CELF2: variants seen among roughly 807,000 people sequenced by gnomAD.
CELF2 encodes the protein CUG triplet repeat RNA-binding protein 2.
A neutral mutation model predicts 62.6 loss-of-function variants in CELF2; 8 were observed. The ratio of observed to expected loss-of-function variants is 0.13; its 90% CI spans 0.07 to 0.23. CELF2 has a LOEUF of 0.23. Ranked by LOEUF, CELF2 falls within the 10% of genes least tolerant of loss-of-function variation. The pLI, the probability that CELF2 is intolerant of heterozygous loss-of-function variation, is 1.00. For missense variants in CELF2, 333 were observed against 671.0 expected (o/e 0.50, Z 5.56); for synonymous variants, 258 against 250.0 (o/e 1.03, Z -0.30).
At chr10:11,114,054 A>G (rs2143345466) in intron 1 of CELF2, among the ~76,000 whole-genome samples, 1 of 152,296 alleles carries the variant, frequency 6.6e-6, no homozygotes, top group East Asian at 1.9e-4. Flanking sequence ...AACAAATCCA[A>G]TTCTGGGAAA....
At chr10:10,517,243 G>A in the CELF2 span, among the ~76,000 whole-genome samples, 77 of 152,040 alleles carry the variant, frequency 5.1e-4, no homozygotes, top group Non-Finnish European at 8.7e-4. Context: ...CAACTTCAAC[G>A]GGAGGCTTCC....
chr10:10,991,881 A>G (rs1402738758), intron 2 of CELF2, among the ~76,000 whole-genome samples: 1 of 152,156 alleles, frequency 6.6e-6, no homozygotes, highest in Non-Finnish European at 1.5e-5. Context: ...ACACTCATCT[A>G]TCAGTTTCTC....
chr10:11,168,158 T>C (rs895169904), intron 2 of CELF2, among the ~76,000 whole-genome samples: 9 of 152,164 alleles, frequency 5.9e-5, no homozygotes, highest in African/African-American at 2.2e-4. Flanking sequence ...TACTCAGGTG[T>C]TTAGATTGTA....
intron 1 of CELF2, among the ~76,000 whole-genome samples, chr10:10,895,121 C>T (rs1187213405): frequency 4.8e-4 from 73 of 152,224 alleles, no homozygotes; most frequent in South Asian, 4.2e-4. Flanking sequence ...TGGCTGAAGT[C>T]GCACAGCTGA....
the CELF2 span, among the ~76,000 whole-genome samples, chr10:10,693,453 A>T: frequency 6.6e-6 from 1 of 151,444 alleles, no homozygotes; most frequent in Admixed American, 6.6e-5. Context: ...TTCATCAAGG[A>T]TATTGGTCTA....
chr10:10,979,408 C>T (rs1010762119), intron 2 of CELF2, among the ~76,000 whole-genome samples: 4 of 152,150 alleles, frequency 2.6e-5, no homozygotes, highest in Admixed American at 6.5e-5. Flanking sequence ...CTGTGCCTCA[C>T]GCCTGTAATC....
At chr10:11,196,997 G>GGAAAAAGAAAGAAAGAAA (rs2057741061) in intron 2 of CELF2, among the ~76,000 whole-genome samples, 1 of 55,898 alleles carries the variant, frequency 1.8e-5, no homozygotes, top group African/African-American at 6.9e-5. Context: ...AAGAAAGGAA[G>GGAAAAAGAAAGAAAGAAA]GAAGGAGAAA....
the CELF2 span, among the ~76,000 whole-genome samples, chr10:10,628,849 A>T: frequency 2.0e-5 from 3 of 152,242 alleles, no homozygotes; most frequent in Non-Finnish European, 4.4e-5. Flanking sequence ...TTAAAAAAAT[A>T]AAAATAAATT....
At chr10:10,486,470 T>C in the CELF2 span, among the ~76,000 whole-genome samples, 5 of 152,328 alleles carry the variant, frequency 3.3e-5, no homozygotes, top group South Asian at 2.1e-4. Context: ...TTTTACACCA[T>C]TGCATGCTAT....
chr10:10,607,047 C>T, the CELF2 span, among the ~76,000 whole-genome samples: 1 of 152,134 alleles, frequency 6.6e-6, no homozygotes, highest in Non-Finnish European at 1.5e-5. Flanking sequence ...TAAACATCAT[C>T]GTGGTGTTAT....
At chr10:11,256,646 T>G (rs1589968812) in intron 4 of CELF2, among the ~76,000 whole-genome samples, 1 of 119,382 alleles carries the variant, frequency 8.4e-6, no homozygotes, top group Admixed American at 9.0e-5. Flanking sequence ...CTTCTCCCCG[T>G]GGGTGTCTGT....
intron 1 of CELF2, among the ~76,000 whole-genome samples, chr10:11,062,873 GAGTC>G (rs766329598): frequency 1.3e-5 from 2 of 152,096 alleles, no homozygotes; most frequent in Non-Finnish European, 2.9e-5. Context: ...AATTTTCCCT[GAGTC>G]AGTCAAAGCA....
At chr10:10,816,845 C>T (rs933087166) in intron 1 of CELF2, among the ~76,000 whole-genome samples, 1 of 152,182 alleles carries the variant, frequency 6.6e-6, no homozygotes, top group African/African-American at 2.4e-5. Context: ...CAGCTTGTAG[C>T]CATAGGCTGT....
At chr10:10,587,703 G>A in the CELF2 span, among the ~76,000 whole-genome samples, 21 of 152,112 alleles carry the variant, frequency 1.4e-4, no homozygotes, top group East Asian at 3.3e-3. Context: ...AACTATCCAC[G>A]TTAGCCCTAG....
the CELF2 span, among the ~76,000 whole-genome samples, chr10:10,497,191 TAA>T: frequency 2.0e-4 from 19 of 94,088 alleles, no homozygotes; most frequent in South Asian, 3.5e-4. Context: ...AGACTCCATC[TAA>T]AAAAAAAAAA....
chr10:10,913,503 G>T (rs2064004812), intron 1 of CELF2, among the ~76,000 whole-genome samples: 1 of 133,886 alleles, frequency 7.5e-6, no homozygotes, highest in Non-Finnish European at 1.5e-5. Context: ...CGATTCTCCT[G>T]CCTCAGCCTC....
chr10:10,736,399 T>TC, the CELF2 span, among the ~76,000 whole-genome samples: 34 of 141,466 alleles, frequency 2.4e-4, no homozygotes, highest in East Asian at 6.6e-4. Context: ...TTTCTTTCTT[T>TC]TTTTTTTTTT....
At chr10:11,203,641 G>A (rs991158659) in intron 2 of CELF2, among the ~76,000 whole-genome samples, 2 of 152,160 alleles carry the variant, frequency 1.3e-5, no homozygotes, top group African/African-American at 2.4e-5. Context: ...ACTTAAACCA[G>A]ATGGTTAAGA....
chr10:10,770,675 C>G, the CELF2 span, among the ~76,000 whole-genome samples: 1 of 152,000 alleles, frequency 6.6e-6, no homozygotes, highest in Non-Finnish European at 1.5e-5. Context: ...ACTCCTCACC[C>G]CAGGCCCCAT....
Sources: allele counts gnomAD v4.1 joint callset (sites outside exome capture counted in the v4.1 genomes callset), GRCh38; gene constraint gnomAD v4.1.1; transcripts MANE v1.5; gene names NCBI Gene and HGNC (gene_info 2026-07-23, HGNC 2026-07-21).